GSK3B: variants seen among roughly 807,000 people sequenced by gnomAD.
GSK3B encodes glycogen synthase kinase 3 beta.
GSK3B carries 15 observed loss-of-function variants against 56.4 expected under a neutral mutation model. The observed-to-expected ratio is 0.27, with a 90% CI of 0.18 to 0.41. GSK3B has a LOEUF of 0.41. GSK3B is among the 10% of genes least tolerant of loss of function. GSK3B has a pLI of 1.00. For missense variants in GSK3B, 300 were observed against 513.4 expected (o/e 0.58, Z 4.02); for synonymous variants, 181 against 188.9 (o/e 0.96, Z 0.34).
rs539144634 is a variant in GSK3B at position 120,040,669 on chromosome 3, C to T, written c.89-38430G>A. 1.7e-4 allele frequency among the ~76,000 whole-genome samples: 26 copies of T among 152,054 alleles called. No homozygotes were observed. The South Asian group carries it at 5.2e-3, about 30-fold the overall frequency. On this transcript the variant is annotated intron_variant, in intron 1 of 10. Transcript: ENST00000264235. ...GGATAAAAACAGCAACAAAGATAGT[C>T]CCCCCAATCTCTTGTTAAAAGACCT...
At chr3:120,050,399 T>G (rs1468602561) in intron 1 of GSK3B, among the ~76,000 whole-genome samples, 2 of 152,258 alleles carry the variant, frequency 1.3e-5, no homozygotes, top group Non-Finnish European at 2.9e-5. Flanking sequence ...GACAGACGGC[T>G]AGCCGTATTT....
At chr3:119,902,746 C>T (rs928062614) in intron 7 of GSK3B, among the ~76,000 whole-genome samples, 5 of 151,950 alleles carry the variant, frequency 3.3e-5, no homozygotes, top group East Asian at 1.9e-4. Flanking sequence ...GACACAGTCT[C>T]GCTCTGTCAC....
chr3:119,994,896 G>A (rs1215169101), intron 2 of GSK3B, among the ~76,000 whole-genome samples: 1 of 152,038 alleles, frequency 6.6e-6, no homozygotes, highest in African/African-American at 2.4e-5. Flanking sequence ...TAATAGTATT[G>A]TATAATTGTT....
chr3:119,840,274 G>C (rs1431941597), intron 10 of GSK3B, among the ~76,000 whole-genome samples: 1 of 150,708 alleles, frequency 6.6e-6, no homozygotes, highest in Non-Finnish European at 1.5e-5. Flanking sequence ...GCCCAGGCTG[G>C]AGTGCAATGG....
chr3:120,044,210 A>T (rs190566464), intron 1 of GSK3B, among the ~76,000 whole-genome samples: 146 of 152,274 alleles, frequency 9.6e-4, no homozygotes, highest in Non-Finnish European at 1.2e-3. Context: ...GTCAGCCCCC[A>T]AGGGCCATCC....
At chr3:119,949,901 T>C (rs1367649386) in intron 2 of GSK3B, among the ~76,000 whole-genome samples, 1 of 151,994 alleles carries the variant, frequency 6.6e-6, no homozygotes, top group Non-Finnish European at 1.5e-5. Flanking sequence ...TTTTAACCTA[T>C]TAAGTTTTTA....
chr3:120,056,331 T>C (rs2058190960), intron 1 of GSK3B, among the ~76,000 whole-genome samples: 1 of 152,200 alleles, frequency 6.6e-6, no homozygotes, highest in African/African-American at 2.4e-5. Flanking sequence ...CAAAAGTCTT[T>C]GAGGTTCTCA....
chr3:119,971,562 C>T (rs1231210177), intron 2 of GSK3B, among the ~76,000 whole-genome samples: 1 of 136,818 alleles, frequency 7.3e-6, no homozygotes, highest in African/African-American at 2.8e-5. Context: ...CCTAAAAAGT[C>T]TGATATAAAA....
chr3:119,842,678 G>C (rs1461090051), intron 10 of GSK3B, among the ~76,000 whole-genome samples: 1 of 151,910 alleles, frequency 6.6e-6, no homozygotes, highest in Non-Finnish European at 1.5e-5. Context: ...GGATGATCTT[G>C]AACTCCTGGC....
chr3:119,824,974 G>A lies in GSK3B; in HGVS notation c.*1814C>T, dbSNP rs1220751209. 6.6e-5 allele frequency: 12 copies of A among 183,016 alleles called. No individual in the cohort carries two copies. Among genetic ancestry groups the A allele is most frequent in the African/African-American group, 2.8e-4 (12 of 42,512 alleles). The allele number at this position is 183,016 out of a possible 1,614,324, so 11.3% of individuals were successfully genotyped here. ...TCCACTTCCGAACCCTCTGGAGGAC[G>A]AGACCCATAAAGTGACCTAAGGTGG... On this transcript the variant is annotated 3_prime_UTR_variant, in exon 11 of 11. Coordinates refer to ENST00000264235, the MANE Select transcript of GSK3B (RefSeq NM_001146156.2).
intron 7 of GSK3B, among the ~76,000 whole-genome samples, chr3:119,893,200 GCT>G (rs1263625704): frequency 2.6e-5 from 4 of 151,902 alleles, no homozygotes; most frequent in African/African-American, 9.7e-5. Context: ...TAGAGATGAA[GCT>G]TCCTCCTGTT....
At chr3:119,858,664 C>G (rs988945342) in intron 9 of GSK3B, among the ~76,000 whole-genome samples, 4 of 152,194 alleles carry the variant, frequency 2.6e-5, no homozygotes, top group Non-Finnish European at 5.9e-5. Flanking sequence ...TTTGCATTCA[C>G]AACTTGGCAA....
chr3:119,945,794 A>G (rs1289897370), intron 3 of GSK3B, among the ~76,000 whole-genome samples: 2 of 152,208 alleles, frequency 1.3e-5, no homozygotes, highest in Non-Finnish European at 2.9e-5. Flanking sequence ...AAATGAATCT[A>G]TTGTAATCCA....
chr3:120,039,142 AT>A (rs1306421642), intron 1 of GSK3B, among the ~76,000 whole-genome samples: 5 of 152,262 alleles, frequency 3.3e-5, no homozygotes, highest in Admixed American at 6.5e-5. Context: ...ATGCCATACC[AT>A]TATACATCCA....
chr3:119,974,011 G>T (rs1477999485), intron 2 of GSK3B, among the ~76,000 whole-genome samples: 1 of 152,046 alleles, frequency 6.6e-6, no homozygotes, highest in Non-Finnish European at 1.5e-5. Context: ...TAAACTCCTA[G>T]AAGATAACAG....
At chr3:119,944,513 ACCT>A (rs1222474394) in intron 3 of GSK3B, among the ~76,000 whole-genome samples, 1 of 152,146 alleles carries the variant, frequency 6.6e-6, no homozygotes, top group African/African-American at 2.4e-5. Context: ...AAGACTGGTC[ACCT>A]CCTGACAAAT....
At chr3:119,900,557 C>T (rs966633855) in intron 7 of GSK3B, among the ~76,000 whole-genome samples, 1 of 152,032 alleles carries the variant, frequency 6.6e-6, no homozygotes, top group African/African-American at 2.4e-5. Flanking sequence ...GTAAAACTTA[C>T]AGCTTTCCCA....
intron 1 of GSK3B, among the ~76,000 whole-genome samples, chr3:120,006,686 G>C (rs887290382): frequency 6.6e-6 from 1 of 152,052 alleles, no homozygotes; most frequent in Non-Finnish European, 1.5e-5. Context: ...ACGAAATTAA[G>C]ACAGAAAGAA....
chr3:119,847,022 C>T (rs568533961), intron 9 of GSK3B, among the ~76,000 whole-genome samples: 1 of 152,082 alleles, frequency 6.6e-6, no homozygotes, highest in South Asian at 2.1e-4. Context: ...TCATTCTCAG[C>T]AAACTAACAC....
Sources: gnomAD v4.1 joint callset for allele counts (sites outside exome capture counted in the v4.1 genomes callset) on GRCh38, gnomAD v4.1.1 for gene constraint, MANE v1.5 for transcripts, NCBI Gene and HGNC (gene_info 2026-07-23, HGNC 2026-07-21) for gene names.